Variants in IFI30 observed in about 807,000 individuals in gnomAD.
IFI30 encodes the protein gamma-interferon-inducible lysosomal thiol reductase.
Under a neutral mutation model 30.1 loss-of-function variants are expected in IFI30, and 26 were observed. That is an observed-to-expected ratio of 0.87 (90% CI 0.63 to 1.20). The LOEUF (loss-of-function observed/expected upper bound fraction) is 1.20, where lower values mean the gene tolerates loss of function less well. Among genes scored for constraint, IFI30 ranks in the 50% most tolerant of loss-of-function variants. The probability of loss-of-function intolerance (pLI) is 0.00; values close to 1 mark genes in which losing one functional copy is unlikely to be tolerated. For missense variants in IFI30, 296 were observed against 312.5 expected (o/e 0.95, Z 0.40); for synonymous variants, 149 against 134.5 (o/e 1.11, Z -0.75).
intron 5 of IFI30, 33 bp from the exon 6 acceptor site, chr19:18,177,678 G>A (rs760900335): frequency 9.9e-6 from 16 of 1,611,680 alleles, no homozygotes; most frequent in Middle Eastern, 1.6e-4. Context: ...GGTAGCTGCT[G>A]GGAATATGCG....
chr19:18,174,826 C>T (rs1194183304), intron 1 of IFI30: 1 of 528,154 alleles, frequency 1.9e-6, no homozygotes, highest in South Asian at 2.4e-5. Context: ...GAGCCGAGAT[C>T]GTGCCGCAGC....
chr19:18,177,135 C>T lies in IFI30; in HGVS notation c.484-5C>T. 1 of 1,546,896 alleles carries T rather than the reference C, an allele frequency of 6.5e-7. No homozygotes were observed. The highest frequency in any genetic ancestry group is 8.7e-7 in the Non-Finnish European group (1 of 1,143,054). On this transcript the variant is annotated splice_polypyrimidine_tract_variant and splice_region_variant and intron_variant, in intron 4 of 6. Transcript: ENST00000407280. Reference sequence around the variant, plus strand: ...GAGGCAACCCCCTGCTCCCCACCCACCCAGTGCCTGCAGCTCTACGCCCCA... The same window carrying T: ...GAGGCAACCCCCTGCTCCCCACCCATCCAGTGCCTGCAGCTCTACGCCCCA...
In IFI30 at chr19:18,173,857, C is replaced by G. The variant is rs1967231040; in HGVS notation, c.16C>G (p.Leu6Val). 1 of 1,548,834 alleles carries G rather than the reference C, an allele frequency of 6.5e-7. No homozygotes were observed. Among genetic ancestry groups the G allele is most frequent in the Middle Eastern group, 1.7e-4 (1 of 5,988 alleles). Reference protein sequence around the residue: MTLSPLLLFLPPLLLL... With the variant: MTLSPVLLFLPPLLLL... Reference sequence around the variant, plus strand: ...CCCTGCTGCGATGACCCTGTCGCCACTTCTGCTGTTCCTGCCACCGCTGCT... The same window carrying G: ...CCCTGCTGCGATGACCCTGTCGCCAGTTCTGCTGTTCCTGCCACCGCTGCT... Residue 6 changes from leucine (L) to valine (V), a missense_variant, in exon 1 of 7, where the codon CTT becomes GTT. By Grantham distance (32) the Leu-to-Val change is conservative. Transcript: ENST00000407280.
intron 1 of IFI30, 157 bp from the exon 2 acceptor site, chr19:18,174,883 A>G: frequency 1.7e-6 from 1 of 597,058 alleles, no homozygotes; most frequent in South Asian, 2.2e-5. Context: ...AAAAAAAAAA[A>G]AGTCTCAAAG....
chr19:18,174,125 C>A, intron 1 of IFI30, 152 bp downstream of exon 1: 2 of 716,470 alleles, frequency 2.8e-6, no homozygotes, highest in Non-Finnish European at 4.4e-6. Flanking sequence ...CTGTTCAGTT[C>A]CCGGCGCTGC....
In IFI30 at chr19:18,177,660, T is replaced by C. The variant is rs575168573; in HGVS notation, c.637-51T>C. 1.2e-5 allele frequency: 20 copies of C among 1,603,064 alleles called. No individual in the cohort carries two copies. The African/African-American group carries it at 2.5e-4, about 20-fold the overall frequency. On this transcript the variant is annotated intron_variant, in intron 5 of 6. Transcript: ENST00000407280. ...CTTTCTGGGCTGGAACCAGGGTGCA[T>C]GGGTTGGGGTAGCTGCTGGGAATAT...
chr19:18,173,944 T>C lies in IFI30; in HGVS notation c.103T>C (p.Phe35Leu). 5 of 1,551,424 alleles carry C rather than the reference T, an allele frequency of 3.2e-6. No individual in the cohort carries two copies. Among genetic ancestry groups the C allele is most frequent in the Middle Eastern group, 1.7e-4 (1 of 5,990 alleles). Residue 35 changes from phenylalanine to leucine, a missense_variant, in exon 1 of 7, where the codon TTT becomes CTT. By Grantham distance (22) the Phe-to-Leu change is conservative. Transcript: ENST00000407280. Reference protein sequence around the residue: ...QASPLQALDFFGNGPPVNYKT... With the variant: ...QASPLQALDFLGNGPPVNYKT... ...GTCCCCTCTGCAAGCGTTAGACTTC[T>C]TTGGGAATGGGCCACCAGTTAACTA...
In IFI30 at chr19:18,175,384, A is replaced by T; in HGVS notation, c.389A>T (p.Glu130Val). ...GAGGAGTGCAAATTCAACAAGGTGGAGGTGAGCGGCCCCAGGGCCCCACAC... is the reference window on the plus strand; with the variant it reads ...GAGGAGTGCAAATTCAACAAGGTGGTGGTGAGCGGCCCCAGGGCCCCACAC... ...GEEECKFNKV[E>V]ACVLDELDME... The change falls in exon 3 of 7, where the codon GAG becomes GTG. Residue 130 changes from glutamate to valine, a missense_variant and splice_region_variant. By Grantham distance (121) the Glu-to-Val change is moderately radical (BLOSUM62 -2). Coordinates refer to ENST00000407280, the MANE Select transcript of IFI30 (RefSeq NM_006332.5). 6.3e-7 allele frequency: 1 copy of T among 1,586,832 alleles called. No individual in the cohort carries two copies. The highest frequency in any genetic ancestry group is 1.1e-5 in the South Asian group (1 of 87,022).
chr19:18,175,273 C>A, intron 2 of IFI30, 38 bp from the exon 3 acceptor site: 1 of 1,574,504 alleles, frequency 6.4e-7, no homozygotes, highest in Non-Finnish European at 8.6e-7. Context: ...AGCAGGGGAC[C>A]CAGCCTACCA....
At position 18,177,666 on chromosome 19, in the gene IFI30, G is replaced by C. The variant is rs199599038; in HGVS notation, c.637-45G>C. ...GGGCTGGAACCAGGGTGCATGGGTT[G>C]GGGTAGCTGCTGGGAATATGCGACC... On this transcript the variant is annotated intron_variant, in intron 5 of 6. Transcript: ENST00000407280. 5.1e-5 allele frequency: 82 copies of C among 1,607,064 alleles called. 1 individual carries two copies.
intron 5 of IFI30, 35 bp downstream of exon 5, chr19:18,177,327 T>C (rs1967285148): frequency 6.4e-7 from 1 of 1,557,974 alleles, no homozygotes; most frequent in South Asian, 1.2e-5. Context: ...TTGACACTCA[T>C]AGTCCCATGG....
intron 4 of IFI30, 27 bp from the exon 5 acceptor site, chr19:18,177,113 G>A: frequency 6.6e-7 from 1 of 1,515,100 alleles, no homozygotes; most frequent in South Asian, 1.3e-5. Flanking sequence ...GGAAGCTGAG[G>A]CAACCCCCTG....
intron 1 of IFI30, 87 bp from the exon 2 acceptor site, chr19:18,174,953 C>T: frequency 9.4e-7 from 1 of 1,065,532 alleles, no homozygotes; most frequent in Admixed American, 2.5e-5. Flanking sequence ...ATCACAGCCC[C>T]CTTTCTACAA....
At chr19:18,175,506 T>A in intron 3 of IFI30, 99 bp from the exon 4 acceptor site, 1 of 1,385,008 alleles carries the variant, frequency 7.2e-7, no homozygotes, top group Non-Finnish European at 1.0e-6. Flanking sequence ...ACATCTTTAT[T>A]CCCTATCTCC....
In IFI30 at chr19:18,178,107, G is replaced by C; in HGVS notation, c.*196G>C. ...TAAGAATGGTGCTAAAGTAAAACTA[G>C]TTTAATAAGCCCTTCTGGATGGTGT... is the stretch of plus-strand genomic sequence containing the variant. On this transcript the variant is annotated 3_prime_UTR_variant, in exon 7 of 7. Coordinates refer to ENST00000407280, the MANE Select transcript of IFI30 (RefSeq NM_006332.5). 1.6e-6 allele frequency: 1 copy of C among 609,988 alleles called. No individual in the cohort carries two copies. Among genetic ancestry groups the C allele is most frequent in the Non-Finnish European group, 2.9e-6 (1 of 343,330 alleles). 37.8% of individuals were successfully genotyped at this position (609,988 alleles called of 1,614,324 possible). A position where few individuals can be genotyped will look rare whatever the true frequency, so the allele number is the denominator to read the frequency against.
At position 18,175,591 on chromosome 19, in the gene IFI30, T is replaced by G. The variant is rs1197446034; in HGVS notation, c.391-14T>G. On this transcript the variant is annotated splice_polypyrimidine_tract_variant and intron_variant, in intron 3 of 6. Transcript: ENST00000407280. ...CCTCTTCATGCCCTCTCCTGCCCCC[T>G]CTCCAAACCCCAGGCCTGCGTGTTG... The G allele has an allele frequency of 7.5e-6, 12 of 1,600,722 alleles. No homozygotes were observed. The highest frequency in any genetic ancestry group is 9.4e-6 in the Non-Finnish European group (11 of 1,173,690).
intron 5 of IFI30, 178 bp downstream of exon 5, chr19:18,177,470 A>C (rs1293177461): frequency 4.9e-6 from 4 of 811,192 alleles, no homozygotes; most frequent in Non-Finnish European, 7.8e-6. Context: ...ATAGGGAAAG[A>C]GGGCATTGAT....
Position 18,177,956 on chromosome 19 carries a change from C to T in IFI30, c.*45C>T, listed in dbSNP as rs1414576892. ...AGCTCATGGAAGGCGAGTGGGAACC[C>T]GGCTGCCTGCCTTTTTTTCTGATCC... On this transcript the variant is annotated 3_prime_UTR_variant, in exon 7 of 7. Coordinates refer to ENST00000407280, the MANE Select transcript of IFI30 (RefSeq NM_006332.5). 11 of 1,548,272 alleles carry T rather than the reference C, an allele frequency of 7.1e-6. No individual in the cohort carries two copies. The highest frequency in any genetic ancestry group is 4.9e-5 in the East Asian group (2 of 41,230).
In IFI30 at chr19:18,177,946, A is replaced by T; in HGVS notation, c.*35A>T. On this transcript the variant is annotated 3_prime_UTR_variant, in exon 7 of 7. Coordinates refer to ENST00000407280, the MANE Select transcript of IFI30 (RefSeq NM_006332.5). ...AGCTGCGGAGAGCTCATGGAAGGCG[A>T]GTGGGAACCCGGCTGCCTGCCTTTT... The T allele has an allele frequency of 6.4e-7, 1 of 1,561,142 alleles. No homozygotes were observed. Among genetic ancestry groups the T allele is most frequent in the Non-Finnish European group, 8.7e-7 (1 of 1,152,556 alleles).
Sources: gnomAD v4.1 joint callset for allele counts on GRCh38, gnomAD v4.1.1 for gene constraint, MANE v1.5 for transcripts, NCBI Gene and HGNC (gene_info 2026-07-23, HGNC 2026-07-21) for gene names.